PCDHGB3: variants seen among roughly 807,000 people sequenced by gnomAD.
PCDHGB3 encodes protocadherin gamma subfamily B, 3, also known as protocadherin gamma-B3.
A neutral mutation model predicts 59.2 loss-of-function variants in PCDHGB3; 40 were observed. That is an observed-to-expected ratio of 0.68 (90% CI 0.52 to 0.88). PCDHGB3 has a LOEUF of 0.88. Among genes scored for constraint, PCDHGB3 ranks in the 40% least tolerant of loss-of-function variants. PCDHGB3 has a pLI of 0.00. For synonymous variants in PCDHGB3, 581 were observed against 503.6 expected (o/e 1.15, Z -2.06); for missense variants, 1,309 against 1,187.9 (o/e 1.10, Z -1.50).
chr5:141,456,122 C>A (rs1411002229), intron 1 of PCDHGB3, among the ~76,000 whole-genome samples: 1 of 152,176 alleles, frequency 6.6e-6, no homozygotes, highest in East Asian at 1.9e-4. Context: ...TGGTCTCCAT[C>A]TCCTGACCTC....
chr5:141,419,756 G>C (rs1006926516), intron 1 of PCDHGB3: 10 of 1,613,890 alleles, frequency 6.2e-6, no homozygotes, highest in Admixed American at 1.7e-5. Flanking sequence ...GCGTGCTTTG[G>C]GTGACAAGGA....
At position 141,387,415 on chromosome 5, in the gene PCDHGB3, A is replaced by C. The variant is rs111350375; in HGVS notation, c.2415+14606A>C. Among the ~76,000 whole-genome samples the C allele has an allele frequency of 1.1e-3, 175 of 152,362 alleles. 1 individual carries two copies. Among genetic ancestry groups the C allele is most frequent in the Admixed American group, 4.9e-3 (75 of 15,312 alleles). ...CATGTTTGAAGATTGGGGAAAGCTT[A>C]TGTCAATAAATGTTTATGTACTTAA... On this transcript the variant is annotated intron_variant, in intron 1 of 3. Coordinates refer to ENST00000576222, the MANE Select transcript of PCDHGB3 (RefSeq NM_018924.5).
chr5:141,499,616 C>T (rs538268323), intron 2 of PCDHGB3, among the ~76,000 whole-genome samples: 2 of 152,058 alleles, frequency 1.3e-5, no homozygotes, highest in South Asian at 4.2e-4. Context: ...CTTATCCTGT[C>T]CTTGGATTCT....
chr5:141,485,229 T>G lies in PCDHGB3; in HGVS notation c.2416-9578T>G, dbSNP rs2099609870. ...ATCTGGCGGTGGGCTACCCTTTTGT[T>G]CCTCTTTTACCACCTGGGTTACGTT... is the stretch of plus-strand genomic sequence containing the variant. On this transcript the variant is annotated intron_variant, in intron 1 of 3. Coordinates refer to ENST00000576222, the MANE Select transcript of PCDHGB3 (RefSeq NM_018924.5). The surrounding 1 kb of genome is among the most constrained non-coding windows in gnomAD (Gnocchi z 5.7). 6.2e-7 allele frequency: 1 copy of G among 1,614,042 alleles called. No individual in the cohort carries two copies. The highest frequency in any genetic ancestry group is 8.5e-7 in the Non-Finnish European group (1 of 1,180,030).
At chr5:141,462,547 T>G (rs534942187) in intron 1 of PCDHGB3, among the ~76,000 whole-genome samples, 1 of 152,330 alleles carries the variant, frequency 6.6e-6, no homozygotes, top group African/African-American at 2.4e-5. Flanking sequence ...TCTTTTCTTC[T>G]TCAGTGTTTA....
intron 2 of PCDHGB3, among the ~76,000 whole-genome samples, chr5:141,501,110 G>A (rs1373404247): frequency 2.6e-5 from 4 of 151,908 alleles, no homozygotes; most frequent in Admixed American, 6.6e-5. Flanking sequence ...CTCGTGATCC[G>A]CCTGCCTCAG....
At chr5:141,422,459 T>C (rs1368153179) in intron 1 of PCDHGB3, 1 of 1,613,448 alleles carries the variant, frequency 6.2e-7, no homozygotes, top group South Asian at 1.1e-5. Context: ...AGCAGAGTGC[T>C]GGACAGGGAG....
chr5:141,453,848 C>T (rs1045684685), intron 1 of PCDHGB3, among the ~76,000 whole-genome samples: 38 of 152,290 alleles, frequency 2.5e-4, no homozygotes, highest in Non-Finnish European at 4.4e-4. Context: ...GTCCACAGAG[C>T]ACTTTGAAAA....
At chr5:141,409,709 T>G (rs1328690143) in intron 1 of PCDHGB3, 2 of 1,613,198 alleles carry the variant, frequency 1.2e-6, no homozygotes, top group Non-Finnish European at 8.5e-7. Context: ...GGCGGTGTCG[T>G]CATACGTGTC....
intron 1 of PCDHGB3, among the ~76,000 whole-genome samples, chr5:141,470,430 T>C (rs994304635): frequency 6.6e-6 from 1 of 152,232 alleles, no homozygotes; most frequent in Non-Finnish European, 1.5e-5. Flanking sequence ...TTTCCTTGTG[T>C]GCAATAATTT....
intron 1 of PCDHGB3, chr5:141,389,305 C>T: frequency 6.2e-7 from 1 of 1,614,004 alleles, no homozygotes; most frequent in Non-Finnish European, 8.5e-7. Flanking sequence ...CAAGTCAGGG[C>T]TTCTGATCCG....
At position 141,394,297 on chromosome 5, in the gene PCDHGB3, C is replaced by T. The variant is rs375160983; in HGVS notation, c.2415+21488C>T. 8.1e-6 allele frequency: 13 copies of T among 1,613,872 alleles called. No homozygotes were observed. Among genetic ancestry groups the T allele is most frequent in the African/African-American group, 1.3e-5 (1 of 74,926 alleles). ...GTCACTTACTCTGTGACCGAGGACA[C>T]GCTGCAGGGGGCGCCCCTGTCCTCG... On this transcript the variant is annotated intron_variant, in intron 1 of 3. Coordinates refer to ENST00000576222, the MANE Select transcript of PCDHGB3 (RefSeq NM_018924.5).
At chr5:141,506,432 C>A (rs2099853359) in intron 3 of PCDHGB3, among the ~76,000 whole-genome samples, 1 of 132,482 alleles carries the variant, frequency 7.5e-6, no homozygotes, top group Non-Finnish European at 1.6e-5. Context: ...GGGCAACAGT[C>A]TCGCTCTGTC....
At chr5:141,451,198 C>T (rs1415589731) in intron 1 of PCDHGB3, among the ~76,000 whole-genome samples, 1 of 152,114 alleles carries the variant, frequency 6.6e-6, no homozygotes, top group Non-Finnish European at 1.5e-5. Context: ...AACAAATTAT[C>T]CCAAAACTTA....
intron 1 of PCDHGB3, chr5:141,415,113 C>G: frequency 1.2e-6 from 2 of 1,613,642 alleles, no homozygotes; most frequent in Non-Finnish European, 1.7e-6. Context: ...AGCAAAGCCT[C>G]GTAGTGGCCG....
At chr5:141,426,407 C>T (rs974898367) in intron 1 of PCDHGB3, 5 of 257,632 alleles carry the variant, frequency 1.9e-5, no homozygotes, top group African/African-American at 6.6e-5. Context: ...CCAGAAGAAA[C>T]GGTCCAGGGC....
At chr5:141,377,889 C>A (rs914946378) in intron 1 of PCDHGB3, 2 of 152,056 alleles carry the variant, frequency 1.3e-5, no homozygotes, top group Non-Finnish European at 2.9e-5. Flanking sequence ...AGATAGGATC[C>A]CCCTCTGTTG....
At chr5:141,406,382 G>C (rs189693155) in intron 1 of PCDHGB3, among the ~76,000 whole-genome samples, 1 of 152,114 alleles carries the variant, frequency 6.6e-6, no homozygotes, top group Non-Finnish European at 1.5e-5. Context: ...TGATAAAAAG[G>C]TAAATGTATT....
chr5:141,436,087 T>C (rs927404291), intron 1 of PCDHGB3, among the ~76,000 whole-genome samples: 1 of 152,198 alleles, frequency 6.6e-6, no homozygotes, highest in Non-Finnish European at 1.5e-5. Flanking sequence ...CTATAGGTAA[T>C]ATTGAGAGAA....
Sources: gnomAD v4.1 joint callset for allele counts (sites outside exome capture counted in the v4.1 genomes callset) on GRCh38, gnomAD v4.1.1 for gene constraint, Gnocchi (gnomAD v3.1) non-coding constraint, MANE v1.5 for transcripts, NCBI Gene and HGNC (gene_info 2026-07-23, HGNC 2026-07-21) for gene names.